Variants in SGCZ observed in about 807,000 individuals in gnomAD.
SGCZ encodes sarcoglycan zeta, also known as zeta-sarcoglycan.
SGCZ carries 40 observed loss-of-function variants against 41.3 expected under a neutral mutation model. That is an observed-to-expected ratio of 0.97 (90% CI 0.75 to 1.26). SGCZ has a LOEUF of 1.26. Ranked by LOEUF, SGCZ falls within the 50% of genes most tolerant of loss-of-function variation. The probability of loss-of-function intolerance (pLI) is 0.00; values close to 1 mark genes in which losing one functional copy is unlikely to be tolerated. For missense variants in SGCZ, 552 were observed against 369.8 expected (o/e 1.49, Z -4.04); for synonymous variants, 206 against 137.5 (o/e 1.50, Z -3.49).
chr8:14,375,127 CAGACAGACAGACAGACAGAT>C (rs797007947), intron 2 of SGCZ, among the ~76,000 whole-genome samples: 3,008 of 151,980 alleles, frequency 0.02, 79 homozygotes, highest in African/African-American at 0.056. Flanking sequence ...GACAGACAGA[CAGACAGACAGACAGACAGAT>C]AGATATTTGG....
chr8:15,059,848 T>C (rs1287051341), intron 1 of SGCZ, among the ~76,000 whole-genome samples: 2 of 152,194 alleles, frequency 1.3e-5, no homozygotes, highest in East Asian at 3.9e-4. Flanking sequence ...CAAGGTCTTT[T>C]CATCCTTTGT....
Position 15,111,025 on chromosome 8 carries a change from G to A in SGCZ, c.39+126560C>T, listed in dbSNP as rs571658640. ...TTTTTAAAATAGCATAACCAACAAT[G>A]AGTCCTGCTGAGGCAGGAGAATATG... On this transcript the variant is annotated intron_variant, in intron 1 of 7. Transcript: ENST00000382080. 1.2e-4 allele frequency among the ~76,000 whole-genome samples: 18 copies of A among 152,168 alleles called. No homozygotes were observed. In the South Asian group the frequency reaches 3.7e-3, roughly 32 times the overall value.
intron 1 of SGCZ, among the ~76,000 whole-genome samples, chr8:15,105,610 T>C (rs536009027): frequency 9.9e-5 from 15 of 152,108 alleles, no homozygotes; most frequent in African/African-American, 3.1e-4. Context: ...TTCAATCACA[T>C]CCCAACAGGC....
intron 2 of SGCZ, among the ~76,000 whole-genome samples, chr8:14,354,061 A>G (rs1240203469): frequency 6.6e-6 from 1 of 152,064 alleles, no homozygotes; most frequent in East Asian, 1.9e-4. Flanking sequence ...ATTAATGTAG[A>G]CATCACTATT....
At chr8:14,615,885 T>G (rs1036276266) in intron 1 of SGCZ, among the ~76,000 whole-genome samples, 1 of 152,190 alleles carries the variant, frequency 6.6e-6, no homozygotes, top group African/African-American at 2.4e-5. Context: ...CCTGGGCCTA[T>G]TCTCTCCTAT....
intron 1 of SGCZ, among the ~76,000 whole-genome samples, chr8:14,739,859 A>C (rs188169069): frequency 1.3e-5 from 2 of 152,044 alleles, no homozygotes; most frequent in Non-Finnish European, 2.9e-5. Flanking sequence ...CCAAAGTTCT[A>C]TCGCAATTTC....
At chr8:14,593,922 C>G (rs936342404) in intron 1 of SGCZ, among the ~76,000 whole-genome samples, 4 of 152,002 alleles carry the variant, frequency 2.6e-5, no homozygotes, top group African/African-American at 9.7e-5. Context: ...TGCCTATAAT[C>G]CCCGCACTTT....
At chr8:14,219,519 C>A (rs569910561) in intron 4 of SGCZ, among the ~76,000 whole-genome samples, 1 of 152,122 alleles carries the variant, frequency 6.6e-6, no homozygotes, top group Non-Finnish European at 1.5e-5. Context: ...GAAGCGGAAG[C>A]GGGCAGATCA....
At chr8:14,686,331 A>G (rs998227558) in intron 1 of SGCZ, among the ~76,000 whole-genome samples, 2 of 152,256 alleles carry the variant, frequency 1.3e-5, no homozygotes, top group South Asian at 4.1e-4. Flanking sequence ...AGTAACAAAT[A>G]AAAGAAAAAA....
chr8:14,973,573 C>A (rs914703287), intron 1 of SGCZ, among the ~76,000 whole-genome samples: 4 of 152,120 alleles, frequency 2.6e-5, no homozygotes, highest in Non-Finnish European at 5.9e-5. Flanking sequence ...CTAAAGGAAT[C>A]TAGATTTAAA....
At chr8:14,560,460 T>C (rs911994010) in intron 1 of SGCZ, among the ~76,000 whole-genome samples, 3 of 152,052 alleles carry the variant, frequency 2.0e-5, no homozygotes, top group African/African-American at 7.2e-5. Context: ...AATGTGGATG[T>C]AGGAGGAGCA....
intron 4 of SGCZ, among the ~76,000 whole-genome samples, chr8:14,194,447 C>G (rs932729059): frequency 6.6e-6 from 1 of 151,728 alleles, no homozygotes; most frequent in Non-Finnish European, 1.5e-5. Context: ...ATATAAAGAA[C>G]AGAGGCTGAG....
At chr8:14,609,286 T>C (rs2117334673) in intron 1 of SGCZ, among the ~76,000 whole-genome samples, 1 of 152,282 alleles carries the variant, frequency 6.6e-6, no homozygotes, top group East Asian at 1.9e-4. Flanking sequence ...GATTCGTTAT[T>C]ATATAACGTC....
intron 2 of SGCZ, among the ~76,000 whole-genome samples, chr8:14,482,349 G>C (rs911603687): frequency 6.6e-6 from 1 of 152,168 alleles, no homozygotes; most frequent in Non-Finnish European, 1.5e-5. Context: ...AGCATTTCCT[G>C]TATTTTGGAG....
chr8:14,846,194 G>A (rs758385120), intron 1 of SGCZ, among the ~76,000 whole-genome samples: 5 of 152,094 alleles, frequency 3.3e-5, no homozygotes, highest in African/African-American at 4.8e-5. Context: ...CCTAATTTAT[G>A]TTTATGGAAT....
At chr8:14,312,351 C>G (rs1163851226) in intron 3 of SGCZ, among the ~76,000 whole-genome samples, 2 of 151,484 alleles carry the variant, frequency 1.3e-5, no homozygotes, top group Admixed American at 6.6e-5. Flanking sequence ...GTAAATCTTT[C>G]TCTTCATCGT....
intron 2 of SGCZ, among the ~76,000 whole-genome samples, chr8:14,357,211 T>C (rs1006752258): frequency 6.6e-6 from 1 of 152,184 alleles, no homozygotes; most frequent in Non-Finnish European, 1.5e-5. Context: ...CTAAATCATA[T>C]AACGAATCTC....
chr8:15,138,521 G>A (rs769186365), intron 1 of SGCZ, among the ~76,000 whole-genome samples: 1 of 152,106 alleles, frequency 6.6e-6, no homozygotes, highest in Non-Finnish European at 1.5e-5. Flanking sequence ...GGAGGGACCA[G>A]TTGGAAGTAA....
chr8:14,715,534 CCACACACACA>C (rs3069627), intron 1 of SGCZ, among the ~76,000 whole-genome samples: 2 of 133,312 alleles, frequency 1.5e-5, no homozygotes, highest in African/African-American at 5.9e-5. Flanking sequence ...ATATCCTCCA[CCACACACACA>C]CACACACACA....
Sources: allele counts gnomAD v4.1 joint callset (sites outside exome capture counted in the v4.1 genomes callset), GRCh38; gene constraint gnomAD v4.1.1; transcripts MANE v1.5; gene names NCBI Gene and HGNC (gene_info 2026-07-23, HGNC 2026-07-21).